The following PDE10A variants were observed in gnomAD, a reference collection of about 807,000 sequenced individuals.
PDE10A encodes the protein cAMP and cAMP-inhibited cGMP 3',5'-cyclic phosphodiesterase 10A.
PDE10A carries 39 observed loss-of-function variants against 97.7 expected under a neutral mutation model. That is an observed-to-expected ratio of 0.40 (90% CI 0.31 to 0.52). The LOEUF is 0.52. Ranked by LOEUF, PDE10A falls within the 20% of genes least tolerant of loss-of-function variation. PDE10A has a pLI of 0.56. For missense variants in PDE10A, 731 were observed against 1,047.8 expected (o/e 0.70, Z 4.17); for synonymous variants, 371 against 376.8 (o/e 0.98, Z 0.18).
chr6:165,408,397 A>G (rs922489744), intron 13 of PDE10A, among the ~76,000 whole-genome samples: 7 of 152,076 alleles, frequency 4.6e-5, no homozygotes, highest in Non-Finnish European at 7.4e-5. Flanking sequence ...GATGCTTGGG[A>G]AAAAAATGCT....
chr6:165,421,519 A>G (rs1250954002), intron 10 of PDE10A, among the ~76,000 whole-genome samples: 1 of 152,240 alleles, frequency 6.6e-6, no homozygotes, highest in Non-Finnish European at 1.5e-5. Flanking sequence ...AAGAATATAT[A>G]GAAAACGTAA....
At chr6:165,407,375 A>G (rs1260209319) in intron 13 of PDE10A, among the ~76,000 whole-genome samples, 3 of 151,912 alleles carry the variant, frequency 2.0e-5, no homozygotes, top group Admixed American at 6.5e-5. Context: ...TAAATTCTAT[A>G]CATCCATTTT....
chr6:165,434,447 G>A (rs1789847092), intron 6 of PDE10A, among the ~76,000 whole-genome samples: 1 of 152,106 alleles, frequency 6.6e-6, no homozygotes, highest in African/African-American at 2.4e-5. Context: ...TATATTCCAT[G>A]TCATAAAATT....
Position 165,401,574 on chromosome 6 carries a change from G to A in PDE10A, c.2077-5115C>T, listed in dbSNP as rs1583201341. On this transcript the variant is annotated intron_variant, in intron 13 of 21. Transcript: ENST00000539869. ...ATCTGTGGGTAGCACAAACGAAAAC[G>A]CATGAACATTCTGAAATCATCTTCA... is the stretch of plus-strand genomic sequence containing the variant. 2.6e-5 allele frequency among the ~76,000 whole-genome samples: 4 copies of A among 152,106 alleles called. No homozygotes were observed. In the South Asian group the frequency reaches 8.3e-4, roughly 32 times the overall value.
intron 1 of PDE10A, among the ~76,000 whole-genome samples, chr6:165,967,371 C>T (rs755434327): frequency 3.9e-5 from 6 of 152,170 alleles, no homozygotes; most frequent in Admixed American, 1.3e-4. Flanking sequence ...GTGGTGCATG[C>T]CTGTAATCCC....
chr6:165,421,624 G>A (rs1562450002), intron 10 of PDE10A, among the ~76,000 whole-genome samples: 1 of 152,094 alleles, frequency 6.6e-6, no homozygotes, highest in Non-Finnish European at 1.5e-5. Context: ...CAAGACAAAG[G>A]TATGTTATCA....
At chr6:165,519,435 G>A (rs1448177272) in intron 2 of PDE10A, among the ~76,000 whole-genome samples, 1 of 151,074 alleles carries the variant, frequency 6.6e-6, no homozygotes, top group Non-Finnish European at 1.5e-5. Flanking sequence ...TAATAATTGA[G>A]AAATCTCATG....
At chr6:165,779,518 T>C (rs1336513845) in intron 1 of PDE10A, among the ~76,000 whole-genome samples, 1 of 152,258 alleles carries the variant, frequency 6.6e-6, no homozygotes, top group Non-Finnish European at 1.5e-5. Context: ...GGCCGTACTC[T>C]GCTGCAATTA....
intron 3 of PDE10A, among the ~76,000 whole-genome samples, chr6:165,463,602 T>C (rs533425539): frequency 1.8e-4 from 28 of 152,344 alleles, no homozygotes; most frequent in Admixed American, 1.6e-3. Flanking sequence ...CTGCGAGAAG[T>C]AGCTGACCGT....
At chr6:165,739,635 A>C (rs899044869) in intron 1 of PDE10A, among the ~76,000 whole-genome samples, 5 of 152,228 alleles carry the variant, frequency 3.3e-5, no homozygotes, top group African/African-American at 7.2e-5. Flanking sequence ...AAAAAAAGTA[A>C]ACAAATGGGA....
chr6:165,687,289 G>T (rs1791148607), intron 1 of PDE10A, among the ~76,000 whole-genome samples: 1 of 152,226 alleles, frequency 6.6e-6, no homozygotes, highest in Admixed American at 6.5e-5. Context: ...TATCCACATT[G>T]CTTGGGAAGG....
intron 2 of PDE10A, among the ~76,000 whole-genome samples, chr6:165,542,017 C>T (rs1783469049): frequency 6.6e-6 from 1 of 152,092 alleles, no homozygotes; most frequent in Non-Finnish European, 1.5e-5. Context: ...ATTTTAATAA[C>T]AATTATACAT....
Position 165,506,958 on chromosome 6 carries a change from G to C in PDE10A, c.995-24615C>G, listed in dbSNP as rs111322192. Reference sequence around the variant, plus strand: ...CTTCTAATCAGTAATCATCAGCTCAGGAGGTATTGAGCAGTCTTCACCCCT... The same window carrying C: ...CTTCTAATCAGTAATCATCAGCTCACGAGGTATTGAGCAGTCTTCACCCCT... On this transcript the variant is annotated intron_variant, in intron 2 of 21. Coordinates refer to ENST00000539869, the MANE Select transcript of PDE10A (RefSeq NM_001385079.1). Among the ~76,000 whole-genome samples the C allele has an allele frequency of 7.0e-4, 107 of 152,240 alleles. 1 individual carries two copies. The highest frequency in any genetic ancestry group is 1.4e-3 in the Non-Finnish European group (97 of 67,994).
intron 2 of PDE10A, among the ~76,000 whole-genome samples, chr6:165,534,503 A>G (rs568309722): frequency 7.8e-4 from 118 of 152,154 alleles, no homozygotes; most frequent in Non-Finnish European, 1.4e-3. Context: ...AGCAAAAAGA[A>G]AATTACAGGC....
At chr6:165,425,898 T>G (rs1025503795) in intron 10 of PDE10A, among the ~76,000 whole-genome samples, 2 of 151,916 alleles carry the variant, frequency 1.3e-5, no homozygotes, top group South Asian at 4.2e-4. Context: ...AAACCAATGT[T>G]GTTTCTACAC....
chr6:165,808,401 C>A (rs1424859805), intron 1 of PDE10A, among the ~76,000 whole-genome samples: 2 of 152,182 alleles, frequency 1.3e-5, no homozygotes, highest in African/African-American at 4.8e-5. Context: ...CGGGTGATGT[C>A]GCAGGAGGAG....
At chr6:165,753,525 A>C (rs752469364) in intron 1 of PDE10A, among the ~76,000 whole-genome samples, 2 of 152,250 alleles carry the variant, frequency 1.3e-5, no homozygotes, top group Non-Finnish European at 2.9e-5. Flanking sequence ...CCTAAGTCAG[A>C]ATTTTAATTT....
chr6:165,580,829 C>A (rs1342374330), intron 1 of PDE10A, among the ~76,000 whole-genome samples: 1 of 150,828 alleles, frequency 6.6e-6, no homozygotes, highest in Non-Finnish European at 1.5e-5. Context: ...AGTCTCCTAC[C>A]CAACGAGAAA....
At chr6:165,881,247 A>G (rs2128480452) in intron 1 of PDE10A, among the ~76,000 whole-genome samples, 1 of 152,326 alleles carries the variant, frequency 6.6e-6, no homozygotes. Flanking sequence ...CAGCCCTTCA[A>G]AACCAGAAAT....
Sources: allele counts gnomAD v4.1 joint callset (sites outside exome capture counted in the v4.1 genomes callset), GRCh38; gene constraint gnomAD v4.1.1; transcripts MANE v1.5; gene names NCBI Gene and HGNC (gene_info 2026-07-23, HGNC 2026-07-21).